The following CTNNA3 variants were observed in gnomAD, a reference collection of about 807,000 sequenced individuals.
CTNNA3 encodes the protein catenin alpha-3.
In CTNNA3, 76 loss-of-function variants were observed where a neutral mutation model predicts 95.7. The ratio of observed to expected loss-of-function variants is 0.79; its 90% CI spans 0.66 to 0.96. The LOEUF (loss-of-function observed/expected upper bound fraction) is 0.96, where lower values mean the gene tolerates loss of function less well. Among genes scored for constraint, CTNNA3 ranks in the 40% least tolerant of loss-of-function variants. The pLI is 0.00. For synonymous variants in CTNNA3, 431 were observed against 374.4 expected (o/e 1.15, Z -1.74); for missense variants, 1,191 against 1,089.8 (o/e 1.09, Z -1.31).
At chr10:66,260,367 C>T (rs959323418) in intron 13 of CTNNA3, among the ~76,000 whole-genome samples, 2 of 152,042 alleles carry the variant, frequency 1.3e-5, no homozygotes, top group Admixed American at 6.6e-5. Context: ...CTTTTCCTCC[C>T]TCCTATAACC....
intron 11 of CTNNA3, among the ~76,000 whole-genome samples, chr10:66,512,331 A>C (rs970203508): frequency 1.3e-5 from 2 of 151,972 alleles, no homozygotes; most frequent in Non-Finnish European, 2.9e-5. Flanking sequence ...CAGCCAGTTT[A>C]TATATTTCAA....
chr10:67,431,746 A>C (rs1373527983), intron 5 of CTNNA3, among the ~76,000 whole-genome samples: 2 of 152,008 alleles, frequency 1.3e-5, no homozygotes, highest in Non-Finnish European at 2.9e-5. Flanking sequence ...TAGAAGTGTT[A>C]ATTTTTTTAA....
chr10:67,404,310 A>T (rs552714477), intron 5 of CTNNA3, among the ~76,000 whole-genome samples: 1 of 152,248 alleles, frequency 6.6e-6, no homozygotes, highest in African/African-American at 2.4e-5. Context: ...AAGAATCATG[A>T]TAAAACAATG....
intron 5 of CTNNA3, among the ~76,000 whole-genome samples, chr10:67,315,949 A>ACT (rs1841031780): frequency 6.6e-6 from 1 of 152,160 alleles, no homozygotes; most frequent in Admixed American, 6.5e-5. Flanking sequence ...AATAGAAAAC[A>ACT]ATTGAAATTG....
chr10:67,212,487 C>T (rs74142430), intron 6 of CTNNA3, among the ~76,000 whole-genome samples: 6,557 of 151,910 alleles, frequency 0.043, 180 homozygotes, highest in South Asian at 0.088. Flanking sequence ...TTCATATTGA[C>T]ATGTATTACT....
chr10:67,524,107 A>C (rs1461803023), intron 4 of CTNNA3, among the ~76,000 whole-genome samples: 2 of 152,226 alleles, frequency 1.3e-5, no homozygotes, highest in African/African-American at 2.4e-5. Context: ...CACACTTGTA[A>C]AGAGTGTTCA....
intron 14 of CTNNA3, among the ~76,000 whole-genome samples, chr10:66,075,156 T>G (rs953362912): frequency 1.7e-4 from 26 of 152,036 alleles, no homozygotes; most frequent in African/African-American, 5.8e-4. Context: ...TCATATCTGC[T>G]TATTAATTGT....
chr10:66,069,456 C>A lies in CTNNA3; in HGVS notation c.2011G>T (p.Glu671Ter). 1 of 1,613,054 alleles carries A rather than the reference C, an allele frequency of 6.2e-7. No individual in the cohort carries two copies. Among genetic ancestry groups the A allele is most frequent in the Non-Finnish European group, 8.5e-7 (1 of 1,179,572 alleles). ...TCAGCAACTTGCTCAGCAATCTTTT[C>A]TTTTTCTGCCTCAGGCAGTTGAGTC... Reference protein sequence around the residue: ...KMTQLPEAEKEKIAEQVADFK... With the variant: ...KMTQLPEAEK The change falls in exon 15 of 18, where the codon GAA becomes TAA. Residue 671 changes from glutamate (E) to a stop codon, truncating the protein, a stop_gained. Transcript: ENST00000433211. LOFTEE classifies it high-confidence loss of function.
intron 15 of CTNNA3, among the ~76,000 whole-genome samples, chr10:66,027,669 G>T (rs1276732483): frequency 2.0e-5 from 3 of 151,940 alleles, no homozygotes; most frequent in Admixed American, 2.0e-4. Context: ...TTTACTTATG[G>T]TTCACAGTAA....
chr10:66,680,354 C>A (rs114418209), intron 9 of CTNNA3, among the ~76,000 whole-genome samples: 1 of 151,926 alleles, frequency 6.6e-6, no homozygotes, highest in African/African-American at 2.4e-5. Context: ...TTAATCACAT[C>A]CCCATAGTGA....
intron 5 of CTNNA3, among the ~76,000 whole-genome samples, chr10:67,512,753 G>A (rs567215172): frequency 9.9e-5 from 15 of 151,612 alleles, no homozygotes; most frequent in South Asian, 2.1e-4. Context: ...TTGGGAGGCC[G>A]AGGCAGGCAG....
chr10:67,725,993 T>G (rs946728445), intron 1 of CTNNA3, among the ~76,000 whole-genome samples: 21 of 138,258 alleles, frequency 1.5e-4, no homozygotes, highest in Admixed American at 3.1e-4. Context: ...ATACTATATA[T>G]TATATATTAT....
At chr10:67,486,000 C>A (rs1229786114) in intron 5 of CTNNA3, among the ~76,000 whole-genome samples, 3 of 152,094 alleles carry the variant, frequency 2.0e-5, no homozygotes, top group Non-Finnish European at 4.4e-5. Context: ...AATTAGAAGC[C>A]TTTTATGTTA....
intron 3 of CTNNA3, among the ~76,000 whole-genome samples, chr10:67,545,769 C>T (rs1251202411): frequency 6.6e-6 from 1 of 152,062 alleles, no homozygotes; most frequent in African/African-American, 2.4e-5. Flanking sequence ...ATAAGTTATG[C>T]GTTTGTGTGT....
At chr10:67,188,198 G>T (rs769604742) in intron 6 of CTNNA3, among the ~76,000 whole-genome samples, 28 of 152,306 alleles carry the variant, frequency 1.8e-4, no homozygotes, top group Non-Finnish European at 3.5e-4. Context: ...AATCAAAATG[G>T]TTAAAGGCAA....
chr10:67,598,956 A>T (rs1441967119), intron 3 of CTNNA3, among the ~76,000 whole-genome samples: 2 of 152,214 alleles, frequency 1.3e-5, no homozygotes, highest in Non-Finnish European at 2.9e-5. Flanking sequence ...AAGGAAAAAA[A>T]ATAAAAATAA....
At chr10:67,232,270 G>C (rs1375942933) in intron 5 of CTNNA3, among the ~76,000 whole-genome samples, 1 of 152,030 alleles carries the variant, frequency 6.6e-6, no homozygotes, top group Non-Finnish European at 1.5e-5. Flanking sequence ...ACAAAGCTTG[G>C]GTTACCCTCA....
chr10:67,316,764 A>G (rs569700652), intron 5 of CTNNA3, among the ~76,000 whole-genome samples: 65 of 152,240 alleles, frequency 4.3e-4, no homozygotes, highest in Non-Finnish European at 6.3e-4. Flanking sequence ...GCCATGTTTT[A>G]CCTCCTCACA....
chr10:67,198,753 C>T (rs1485563324), intron 6 of CTNNA3, among the ~76,000 whole-genome samples: 2 of 152,112 alleles, frequency 1.3e-5, no homozygotes, highest in Admixed American at 6.5e-5. Flanking sequence ...ATCAACTGTT[C>T]GTGCATTTTA....
Sources: allele counts gnomAD v4.1 joint callset (sites outside exome capture counted in the v4.1 genomes callset), GRCh38; gene constraint gnomAD v4.1.1; transcripts MANE v1.5; gene names NCBI Gene and HGNC (gene_info 2026-07-23, HGNC 2026-07-21).